HAO1: variants seen among roughly 807,000 people sequenced by gnomAD.
HAO1 encodes 2-Hydroxyacid oxidase 1.
HAO1 carries 34 observed loss-of-function variants against 39.7 expected under a neutral mutation model. The ratio of observed to expected loss-of-function variants is 0.86; its 90% CI spans 0.65 to 1.14. HAO1 has a LOEUF of 1.14. Among genes scored for constraint, HAO1 ranks in the 50% most tolerant of loss-of-function variants. HAO1 has a pLI of 0.00. For synonymous variants in HAO1, 172 were observed against 173.2 expected, an observed-to-expected ratio of 0.99 and a Z score of 0.05; for missense variants, 479 against 464.5, an observed-to-expected ratio of 1.03 and a Z score of -0.29.
At chr20:7,897,705 G>T (rs995550795) in intron 4 of HAO1, among the ~76,000 whole-genome samples, 3 of 151,786 alleles carry the variant, frequency 2.0e-5, no homozygotes, top group Non-Finnish European at 4.4e-5. Flanking sequence ...CAACTTTTTT[G>T]AGTATCATTT....
Position 7,909,379 on chromosome 20 carries a change from GTATA to G in HAO1, c.546-3054_546-3051del, listed in dbSNP as rs869068490. On this transcript the variant is annotated intron_variant, in intron 3 of 7. Transcript: ENST00000378789. ...TTATGACATATATATATATATATAT[GTATA>G]TATATATATATATATATATATGCTT... is the stretch of plus-strand genomic sequence containing the variant. 1.5e-3 allele frequency among the ~76,000 whole-genome samples: 164 copies of G among 108,168 alleles called. 1 individual carries two copies. The highest frequency in any genetic ancestry group is 0.013 in the South Asian group (35 of 2,782). 71.0% of individuals were successfully genotyped at this position (108,168 alleles called of 152,430 possible). A position where few individuals can be genotyped will look rare whatever the true frequency, so the allele number is the denominator to read the frequency against.
intron 2 of HAO1, among the ~76,000 whole-genome samples, chr20:7,931,169 G>A (rs1264440704): frequency 6.6e-6 from 1 of 151,974 alleles, no homozygotes; most frequent in African/African-American, 2.4e-5. Flanking sequence ...TGTTTTTGAG[G>A]GCAACATGTG....
At chr20:7,922,206 A>T (rs555250698) in intron 2 of HAO1, among the ~76,000 whole-genome samples, 1 of 152,284 alleles carries the variant, frequency 6.6e-6, no homozygotes, top group Non-Finnish European at 1.5e-5. Context: ...GAAGCTCAGT[A>T]TCACTAATTA....
chr20:7,904,595 T>C (rs1392394419), intron 4 of HAO1, among the ~76,000 whole-genome samples: 1 of 152,182 alleles, frequency 6.6e-6, no homozygotes, highest in Non-Finnish European at 1.5e-5. Flanking sequence ...TTATTGCCCA[T>C]ATTCTTTTTT....
chr20:7,937,061 G>A (rs924250236), intron 1 of HAO1, among the ~76,000 whole-genome samples: 2 of 152,082 alleles, frequency 1.3e-5, no homozygotes, highest in African/African-American at 4.8e-5. Context: ...GTTTTCAAAG[G>A]ATAGAAAATG....
At chr20:7,939,817 G>A (rs938964920) in intron 1 of HAO1, among the ~76,000 whole-genome samples, 13 of 152,120 alleles carry the variant, frequency 8.5e-5, no homozygotes, top group African/African-American at 3.1e-4. Context: ...AATCTAAAGT[G>A]AAAGTTTAGA....
intron 4 of HAO1, among the ~76,000 whole-genome samples, chr20:7,895,891 C>CA (rs972461311): frequency 3.3e-5 from 5 of 151,878 alleles, no homozygotes; most frequent in South Asian, 4.2e-4. Flanking sequence ...ACTAAAAATA[C>CA]AAAAAAACAA....
At chr20:7,933,858 T>C (rs1026205949) in intron 2 of HAO1, among the ~76,000 whole-genome samples, 1 of 152,176 alleles carries the variant, frequency 6.6e-6, no homozygotes, top group Non-Finnish European at 1.5e-5. Flanking sequence ...TTACATCATA[T>C]TTGATTTTCT....
At chr20:7,889,357 G>A (rs911380605) in intron 5 of HAO1, among the ~76,000 whole-genome samples, 2 of 151,998 alleles carry the variant, frequency 1.3e-5, no homozygotes, top group African/African-American at 4.8e-5. Flanking sequence ...GCATCAAAAT[G>A]AAAATGAAAA....
Position 7,903,060 on chromosome 20 carries a change from A to C in HAO1, c.721+3094T>G, listed in dbSNP as rs538911619. On this transcript the variant is annotated intron_variant, in intron 4 of 7. Coordinates refer to ENST00000378789, the MANE Select transcript of HAO1 (RefSeq NM_017545.3). ...CTCAGTCAATCCATGTGATTTCTGC[A>C]TGAGGACCTGTGAAATGGAGAAAAT... is the stretch of plus-strand genomic sequence containing the variant. 2.0e-5 allele frequency among the ~76,000 whole-genome samples: 3 copies of C among 152,344 alleles called. 1 individual carries two copies. The South Asian group carries it at 6.2e-4, about 32-fold the overall frequency.
chr20:7,914,517 A>T, intron 2 of HAO1, 98 bp from the exon 3 acceptor site: 1 of 1,306,398 alleles, frequency 7.7e-7, no homozygotes, highest in Non-Finnish European at 1.1e-6. Flanking sequence ...TAGAAGGGCA[A>T]TTTGGCAATA....
chr20:7,927,907 C>T (rs1011796630), intron 2 of HAO1, among the ~76,000 whole-genome samples: 17 of 152,284 alleles, frequency 1.1e-4, no homozygotes, highest in African/African-American at 3.4e-4. Flanking sequence ...CTCTAAGCCT[C>T]GATTTCCACA....
intron 7 of HAO1, among the ~76,000 whole-genome samples, chr20:7,883,897 TAGAG>T (rs1197617335): frequency 6.6e-6 from 1 of 152,226 alleles, no homozygotes; most frequent in African/African-American, 2.4e-5. Flanking sequence ...CCACATTTAA[TAGAG>T]AGTCAGTGAC....
intron 1 of HAO1, 61 bp from the exon 2 acceptor site, chr20:7,934,696 T>C: frequency 1.0e-6 from 1 of 998,760 alleles, no homozygotes; most frequent in Non-Finnish European, 1.4e-6. Context: ...TAACCAAAAC[T>C]TTGACATTAC....
intron 2 of HAO1, among the ~76,000 whole-genome samples, chr20:7,924,398 T>C (rs1427256736): frequency 6.6e-6 from 1 of 152,132 alleles, no homozygotes; most frequent in East Asian, 1.9e-4. Context: ...AAATGTTTAA[T>C]GTCAAATCCA....
intron 7 of HAO1, among the ~76,000 whole-genome samples, chr20:7,884,976 T>C (rs1014130785): frequency 2.0e-5 from 3 of 152,110 alleles, no homozygotes; most frequent in Non-Finnish European, 4.4e-5. Context: ...GCAGTGGAGA[T>C]GACAGGGAGG....
intron 5 of HAO1, among the ~76,000 whole-genome samples, chr20:7,886,637 T>C (rs1354836215): frequency 6.6e-6 from 1 of 152,192 alleles, no homozygotes; most frequent in African/African-American, 2.4e-5. Context: ...TCCAACCATA[T>C]ATTAAAGAAC....
At chr20:7,906,442 A>C (rs1043786683) in intron 3 of HAO1, 113 bp from the exon 4 acceptor site, 5 of 652,164 alleles carry the variant, frequency 7.7e-6, no homozygotes, top group Non-Finnish European at 1.4e-5. Context: ...TTCACTGCTC[A>C]TTTATCTATA....
Position 7,914,205 on chromosome 20 carries a change from C to T in HAO1, c.504G>A (p.Leu168=). The T allele has an allele frequency of 6.2e-7, 1 of 1,614,078 alleles. No homozygotes were observed. Among genetic ancestry groups the T allele is most frequent in the Non-Finnish European group, 8.5e-7 (1 of 1,179,972 alleles). ...GTTTGAATCTGTTACGCACATCATCCAGACGGTTGCCCAGGTAAGGTGTGT... is the reference window on the plus strand; with the variant it reads ...GTTTGAATCTGTTACGCACATCATCTAGACGGTTGCCCAGGTAAGGTGTGT... ...TVDTPYLGNR[L]DDVRNRFKLP... is the part of the protein sequence containing the mutation. Residue 168 remains leucine, a synonymous_variant, in exon 3 of 8, where the codon CTG becomes CTA. Transcript: ENST00000378789.
Sources: allele counts gnomAD v4.1 joint callset (sites outside exome capture counted in the v4.1 genomes callset), GRCh38; gene constraint gnomAD v4.1.1; transcripts MANE v1.5; gene names NCBI Gene and HGNC (gene_info 2026-07-23, HGNC 2026-07-21).